Variants in RSL1D1 observed in about 807,000 individuals in gnomAD.
The protein encoded by RSL1D1 is ribosomal L1 domain-containing protein 1.
A neutral mutation model predicts 44.6 loss-of-function variants in RSL1D1; 34 were observed. That is an observed-to-expected ratio of 0.76 (90% CI 0.58 to 1.02). The LOEUF is 1.02. Among genes scored for constraint, RSL1D1 ranks in the 50% least tolerant of loss-of-function variants. The pLI is 0.00. For synonymous variants in RSL1D1, 271 were observed against 207.4 expected (o/e 1.31, Z -2.63); for missense variants, 767 against 568.1 (o/e 1.35, Z -3.56).
chr16:11,843,803 G>C (rs548992315), intron 5 of RSL1D1, among the ~76,000 whole-genome samples: 161 of 147,334 alleles, frequency 1.1e-3, no homozygotes, highest in Admixed American at 1.7e-3. Flanking sequence ...CCCGGCAGGC[G>C]GAGCTTGCAG....
At chr16:11,841,844 T>A (rs764784833) in intron 6 of RSL1D1, 24 bp from the exon 7 acceptor site, 2 of 1,612,876 alleles carry the variant, frequency 1.2e-6, no homozygotes, top group Non-Finnish European at 1.7e-6. Flanking sequence ...AAGAGTAACA[T>A]CGTCTACATA....
intron 5 of RSL1D1, among the ~76,000 whole-genome samples, chr16:11,844,957 C>T (rs2053787535): frequency 6.6e-6 from 1 of 152,228 alleles, no homozygotes; most frequent in South Asian, 2.1e-4. Context: ...GAAGCAATCA[C>T]TGCCCTAAAA....
In RSL1D1 at chr16:11,836,165, T is replaced by C. The variant is rs936549040; in HGVS notation, c.*1622A>G. 6.6e-6 allele frequency: 1 copy of C among 152,196 alleles called. No individual in the cohort carries two copies. Among genetic ancestry groups the C allele is most frequent in the Admixed American group, 6.6e-5 (1 of 15,256 alleles). 9.4% of individuals were successfully genotyped at this position (152,196 alleles called of 1,614,324 possible). A position where few individuals can be genotyped will look rare whatever the true frequency, so the allele number is the denominator to read the frequency against. ...TCTCACCATCTGTTTCTTTGTTGGA[T>C]TACCAATAAATAGTGTGGGCTCCCA... is the stretch of plus-strand genomic sequence containing the variant. On this transcript the variant is annotated 3_prime_UTR_variant, in exon 9 of 9. Transcript: ENST00000571133.
chr16:11,839,434 T>C (rs1005663200), intron 8 of RSL1D1, among the ~76,000 whole-genome samples: 8 of 149,988 alleles, frequency 5.3e-5, no homozygotes, highest in Non-Finnish European at 1.2e-4. Flanking sequence ...GGCTCACACT[T>C]GTAATCCCAG....
At chr16:11,844,491 T>C (rs929937718) in intron 5 of RSL1D1, among the ~76,000 whole-genome samples, 5 of 151,816 alleles carry the variant, frequency 3.3e-5, no homozygotes, top group African/African-American at 1.2e-4. Context: ...ACCAAAGGGG[T>C]AGGGGTCTAG....
chr16:11,846,550 C>T lies in RSL1D1; in HGVS notation c.586G>A (p.Asp196Asn). 3 of 1,608,078 alleles carry T rather than the reference C, an allele frequency of 1.9e-6. No individual in the cohort carries two copies. The South Asian group carries it at 3.3e-5, about 18-fold the overall frequency. ...TTTAAGACTGTTCCACCTATACAGT[C>T]ATTGATCTCTCTTGATAAATTCTTG... Reference protein sequence around the residue: ...LSKNLSREINDCIGGTVLNIS... With the variant: ...LSKNLSREINNCIGGTVLNIS... The change falls in exon 5 of 9, where the codon GAC becomes AAC. Residue 196 changes from aspartate to asparagine, a missense_variant. Physicochemically the swap from Asp to Asn is conservative, Grantham distance 23. Coordinates refer to ENST00000571133, the MANE Select transcript of RSL1D1 (RefSeq NM_015659.3).
rs2053713329 is a variant in RSL1D1, at chr16:11,835,906, GC to G, written c.*1880del. On this transcript the variant is annotated 3_prime_UTR_variant, in exon 9 of 9. Coordinates refer to ENST00000571133, the MANE Select transcript of RSL1D1 (RefSeq NM_015659.3). The stretch of plus-strand genomic sequence containing the variant: ...GCTCTGTGCTAAAGGGTGGAAGGCT[GC>G]CCTGACGCACCATAATCTAAGCCCA... The G allele has an allele frequency of 6.6e-6, 1 of 152,152 alleles. No individual in the cohort carries two copies. The highest frequency in any genetic ancestry group is 1.5e-5 in the Non-Finnish European group (1 of 68,032). 9.4% of individuals were successfully genotyped at this position (152,152 alleles called of 1,614,324 possible). A position where few individuals can be genotyped will look rare whatever the true frequency, so the allele number is the denominator to read the frequency against.
chr16:11,839,526 T>TAA (rs55657359), intron 8 of RSL1D1, among the ~76,000 whole-genome samples, 169 bp downstream of exon 8: 14 of 121,422 alleles, frequency 1.2e-4, no homozygotes, highest in African/African-American at 2.8e-4. Flanking sequence ...AGATCCCATC[T>TAA]AAAAAAAAAA....
Position 11,837,902 on chromosome 16 carries a change from T to C in RSL1D1, c.1358A>G (p.Gln453Arg), listed in dbSNP as rs372459136. The change falls in exon 9 of 9, where the codon CAG (glutamine) becomes CGG (arginine). Residue 453 changes from glutamine to arginine, a missense_variant. Coordinates refer to ENST00000571133, the MANE Select transcript of RSL1D1 (RefSeq NM_015659.3). ...SPSLGKKDAR[Q>R]TPKKPEAKFF... ...CTTGGCCTCTGGCTTTTTTGGAGTC[T>C]GTCTCGCATCTTTTTTCCCCAGCGA... is the stretch of plus-strand genomic sequence containing the variant. 1.2e-6 allele frequency: 2 copies of C among 1,614,166 alleles called. No individual in the cohort carries two copies. The highest frequency in any genetic ancestry group is 1.7e-6 in the Non-Finnish European group (2 of 1,180,032).
intron 2 of RSL1D1, among the ~76,000 whole-genome samples, chr16:11,849,890 C>T (rs973505017): frequency 7.2e-5 from 11 of 152,108 alleles, no homozygotes; most frequent in East Asian, 3.9e-4. Flanking sequence ...CTTGCTCTGT[C>T]GCCTAGGCTG....
In RSL1D1 at chr16:11,847,659, G is replaced by T. The variant is rs142757039; in HGVS notation, c.384+9C>A. Reference sequence around the variant, plus strand: ...TAAATAACTTGAAAATATTAACCAGGCTTCCTACCTGAGAAACGGTTTTAA... The same window carrying T: ...TAAATAACTTGAAAATATTAACCAGTCTTCCTACCTGAGAAACGGTTTTAA... On this transcript the variant is annotated intron_variant, in intron 3 of 8. Transcript: ENST00000571133. The T allele has an allele frequency of 3.8e-4, 602 of 1,600,124 alleles. 1 individual carries two copies. The African/African-American group carries it at 7.2e-3, about 19-fold the overall frequency.
intron 2 of RSL1D1, among the ~76,000 whole-genome samples, chr16:11,848,139 G>C (rs1300963644): frequency 6.6e-6 from 1 of 152,062 alleles, no homozygotes; most frequent in African/African-American, 2.4e-5. Flanking sequence ...TGTAATCCCA[G>C]CTACTTGAGA....
At chr16:11,841,397 G>C (rs1427761129) in intron 7 of RSL1D1, 1 of 276,334 alleles carries the variant, frequency 3.6e-6, no homozygotes, top group Non-Finnish European at 7.0e-6. Flanking sequence ...GACAGAGTGA[G>C]ACCCTGTCTC....
chr16:11,838,977 C>T (rs1429204518), intron 8 of RSL1D1, among the ~76,000 whole-genome samples: 3 of 152,080 alleles, frequency 2.0e-5, no homozygotes, highest in Non-Finnish European at 2.9e-5. Context: ...AGGAGCACAG[C>T]AGAGACACAT....
chr16:11,850,043 T>G (rs1173040423), intron 2 of RSL1D1, among the ~76,000 whole-genome samples: 1 of 152,142 alleles, frequency 6.6e-6, no homozygotes, highest in Non-Finnish European at 1.5e-5. Context: ...GCCAGGCTGG[T>G]TTTGAACTCC....
At chr16:11,850,513 CT>C (rs2053829881) in intron 1 of RSL1D1, 95 bp from the exon 2 acceptor site, 1 of 1,254,364 alleles carries the variant, frequency 8.0e-7, no homozygotes, top group South Asian at 1.4e-5. Flanking sequence ...CATTTGCCCC[CT>C]CCCACACCTT....
At position 11,837,691 on chromosome 16, in the gene RSL1D1, A is replaced by G; in HGVS notation, c.*96T>C. On this transcript the variant is annotated 3_prime_UTR_variant, in exon 9 of 9. Coordinates refer to ENST00000571133, the MANE Select transcript of RSL1D1 (RefSeq NM_015659.3). ...AAAAAATCTTTTAAGTCCAGGCCTGACGTTTAGAGAAGGTTACAAAGGCGG... is the reference window on the plus strand; with the variant it reads ...AAAAAATCTTTTAAGTCCAGGCCTGGCGTTTAGAGAAGGTTACAAAGGCGG... 2 of 1,131,292 alleles carry G rather than the reference A, an allele frequency of 1.8e-6. No homozygotes were observed. Among genetic ancestry groups the G allele is most frequent in the South Asian group, 1.5e-5 (1 of 66,082 alleles). 70.1% of individuals were successfully genotyped at this position (1,131,292 alleles called of 1,614,324 possible).
chr16:11,839,862 C>T lies in RSL1D1; in HGVS notation c.979G>A (p.Asp327Asn), dbSNP rs1400149329. The change falls in exon 8 of 9, where the codon GAT becomes AAT. Residue 327 changes from aspartate to asparagine, a missense_variant. Coordinates refer to ENST00000571133, the MANE Select transcript of RSL1D1 (RefSeq NM_015659.3). The stretch of plus-strand genomic sequence containing the variant: ...GATTCAGGTTTCTTCACTGTAGTAT[C>T]ACCACTTTCAGGTGCCACATCATCT... ...SKDDVAPESG[D>N]TTVKKPESKK... The T allele has an allele frequency of 6.2e-7, 1 of 1,614,156 alleles. No homozygotes were observed. The highest frequency in any genetic ancestry group is 8.5e-7 in the Non-Finnish European group (1 of 1,180,034).
chr16:11,843,392 G>A (rs535332814), intron 5 of RSL1D1, among the ~76,000 whole-genome samples: 1 of 151,890 alleles, frequency 6.6e-6, no homozygotes, highest in East Asian at 2.0e-4. Flanking sequence ...TAAAGAGCTG[G>A]TAGCACCTGA....
Sources: gnomAD v4.1 joint callset for allele counts (sites outside exome capture counted in the v4.1 genomes callset) on GRCh38, gnomAD v4.1.1 for gene constraint, MANE v1.5 for transcripts, NCBI Gene and HGNC (gene_info 2026-07-23, HGNC 2026-07-21) for gene names.